Variants in ZNF577 observed in about 807,000 individuals in gnomAD.
The protein encoded by ZNF577 is zinc finger protein 577.
Under a neutral mutation model 13.9 loss-of-function variants are expected in ZNF577, and 14 were observed. The ratio of observed to expected loss-of-function variants is 1.00; its 90% CI spans 0.66 to 1.57. The LOEUF (loss-of-function observed/expected upper bound fraction) is 1.57, where lower values mean the gene tolerates loss of function less well. ZNF577 is among the 40% of genes most tolerant of loss of function. The pLI is 0.00. For missense variants in ZNF577, 555 were observed against 579.2 expected (o/e 0.96, Z 0.43); for synonymous variants, 203 against 202.9 (o/e 1.00, Z 0.00).
chr19:51,816,323 C>T (rs2084136781), intron 9 of ZNF577, among the ~76,000 whole-genome samples: 1 of 152,230 alleles, frequency 6.6e-6, no homozygotes, highest in African/African-American at 2.4e-5. Flanking sequence ...TCTCGGCTGA[C>T]TACAACCTCT....
chr19:51,884,327 T>C (rs1460304834), intron 1 of ZNF577, among the ~76,000 whole-genome samples: 2 of 152,128 alleles, frequency 1.3e-5, no homozygotes, highest in East Asian at 3.9e-4. Flanking sequence ...CATACTGGGA[T>C]ACGTACAAGT....
chr19:51,848,051 C>A (rs1335144594), intron 5 of ZNF577, among the ~76,000 whole-genome samples: 1 of 152,158 alleles, frequency 6.6e-6, no homozygotes, highest in Non-Finnish European at 1.5e-5. Context: ...GTACAGACTG[C>A]GAGACAGCCA....
In ZNF577 at chr19:51,873,249, G is replaced by C. The variant is rs146357018; in HGVS notation, c.741C>G (p.Cys247Trp). ...GGCACTTCCGGCTGAAGGCTTTTCC[G>C]CATTTGCTGCATCTGTAGGGTTTCT... ...TGEKPYRCSK[C>W]GKAFSRKCRL... The change falls in exon 6 of 6, where the codon TGC (cysteine) becomes TGG (tryptophan). Residue 247 changes from cysteine to tryptophan, a missense_variant. By Grantham distance (215) the Cys-to-Trp change is radical (BLOSUM62 -2). Coordinates refer to ENST00000638348, the MANE Select transcript of ZNF577 (RefSeq NM_001370449.1). 2 of 1,612,966 alleles carry C rather than the reference G, an allele frequency of 1.2e-6. No individual in the cohort carries two copies. Among genetic ancestry groups the C allele is most frequent in the South Asian group, 1.1e-5 (1 of 91,046 alleles).
chr19:51,824,291 A>C lies in ZNF577; in HGVS notation c.*600-12617T>G, dbSNP rs1469373087. On this transcript the variant is annotated intron_variant and NMD_transcript_variant, in intron 9 of 10. Coordinates refer to the ZNF577 transcript ENST00000638827. This position sits in a 1 kb window ranked among gnomAD's most constrained non-coding sequence, Gnocchi z 4.7. ...ACACATACTGTATTTTCAACTTTGC[A>C]TTCTGGGGTGACACTGCTGTAGAGA... 5 of 1,614,010 alleles carry C rather than the reference A, an allele frequency of 3.1e-6. No homozygotes were observed. Among genetic ancestry groups the C allele is most frequent in the Non-Finnish European group, 4.2e-6 (5 of 1,180,020 alleles).
chr19:51,813,500 A>T (rs980921394), intron 9 of ZNF577, among the ~76,000 whole-genome samples: 2 of 151,598 alleles, frequency 1.3e-5, no homozygotes, highest in Admixed American at 1.3e-4. Context: ...TCCTGAAGAG[A>T]CTCTGAAGGA....
chr19:51,861,113 CTTTTTT>C (rs368241227), intron 5 of ZNF577: 47 of 184,194 alleles, frequency 2.6e-4, no homozygotes, highest in South Asian at 4.3e-4. Context: ...TTGACTCTCT[CTTTTTT>C]TTTTTTTTTT....
downstream of ZNF577, among the ~76,000 whole-genome samples, chr19:51,866,978 AAGAG>A (rs201005534): frequency 0.048 from 7,239 of 149,936 alleles, 374 homozygotes; most frequent in South Asian, 0.25. Flanking sequence ...AGAAGAAAGA[AAGAG>A]AGAGAGAGAG....
intron 1 of ZNF577, among the ~76,000 whole-genome samples, chr19:51,882,937 T>G (rs529257327): frequency 5.9e-5 from 9 of 152,222 alleles, no homozygotes; most frequent in African/African-American, 2.2e-4. Flanking sequence ...GTCCTACCTT[T>G]GGATATGGCT....
intron 9 of ZNF577, among the ~76,000 whole-genome samples, chr19:51,828,887 G>A (rs74578418): frequency 0.15 from 22,960 of 152,108 alleles, 1,881 homozygotes; most frequent in East Asian, 0.26. Flanking sequence ...AGGCTCCCCT[G>A]CAGCTCCTGG....
chr19:51,837,302 A>G (rs989555758), intron 9 of ZNF577, among the ~76,000 whole-genome samples: 6 of 152,192 alleles, frequency 3.9e-5, no homozygotes, highest in African/African-American at 9.6e-5. Flanking sequence ...TGGTTAACAC[A>G]GCTCAGTCCT....
chr19:51,863,904 T>C (rs545948164), downstream of ZNF577, among the ~76,000 whole-genome samples: 22 of 152,304 alleles, frequency 1.4e-4, no homozygotes, highest in African/African-American at 4.6e-4. Flanking sequence ...ATATGTATGT[T>C]ATACCAAAAC....
intron 9 of ZNF577, among the ~76,000 whole-genome samples, chr19:51,836,995 G>C (rs1484652045): frequency 1.4e-5 from 2 of 147,582 alleles, no homozygotes; most frequent in Admixed American, 6.8e-5. Flanking sequence ...AGTGAGCCCA[G>C]AGGGCGCCAC....
Position 51,867,584 on chromosome 19 carries a change from C to A in ZNF577, c.*4948G>T, listed in dbSNP as rs2084584772. On this transcript the variant is annotated 3_prime_UTR_variant, in exon 6 of 6. Coordinates refer to ENST00000638348, the MANE Select transcript of ZNF577 (RefSeq NM_001370449.1). Reference sequence around the variant, plus strand: ...GGTCAGGAGTTCGAGACCAGACTGGCCAACATGATGAAACCCCGTCTCTAC... The same window carrying A: ...GGTCAGGAGTTCGAGACCAGACTGGACAACATGATGAAACCCCGTCTCTAC... 6.7e-6 allele frequency among the ~76,000 whole-genome samples: 1 copy of A among 149,794 alleles called. No homozygotes were observed. Among genetic ancestry groups the A allele is most frequent in the Admixed American group, 6.7e-5 (1 of 14,892 alleles).
chr19:51,809,411 TTTA>T (rs1234548588), intron 10 of ZNF577, among the ~76,000 whole-genome samples: 2 of 152,214 alleles, frequency 1.3e-5, no homozygotes, highest in African/African-American at 4.8e-5. Context: ...ATTTCTTTCC[TTTA>T]ATGTGTACTA....
rs997732349 is a variant in ZNF577 at position 51,868,214 on chromosome 19, T to G, written c.*4318A>C. 2.6e-4 allele frequency among the ~76,000 whole-genome samples: 39 copies of G among 152,190 alleles called. No homozygotes were observed. The highest frequency in any genetic ancestry group is 4.4e-4 in the Non-Finnish European group (30 of 68,028). On this transcript the variant is annotated 3_prime_UTR_variant, in exon 6 of 6. Coordinates refer to ENST00000638348, the MANE Select transcript of ZNF577 (RefSeq NM_001370449.1). The stretch of plus-strand genomic sequence containing the variant: ...TGACTTAGTCCTCAAAGCACTGCAT[T>G]GTAGACACTGTTCTAGAAGCTTTCT...
intron 5 of ZNF577, among the ~76,000 whole-genome samples, chr19:51,849,446 C>T (rs537636554): frequency 6.6e-6 from 1 of 152,292 alleles, no homozygotes; most frequent in South Asian, 2.1e-4. Context: ...TACTTTCATA[C>T]CACTTGTAAA....
intron 5 of ZNF577, among the ~76,000 whole-genome samples, chr19:51,856,526 A>G (rs2084422577): frequency 6.6e-6 from 1 of 152,308 alleles, no homozygotes; most frequent in South Asian, 2.1e-4. Context: ...TAAAGAGTAA[A>G]GCCTCTACAT....
intron 6 of ZNF577, among the ~76,000 whole-genome samples, chr19:51,844,503 G>A (rs2084339641): frequency 6.6e-6 from 1 of 152,146 alleles, no homozygotes; most frequent in South Asian, 2.1e-4. Context: ...TGTCAGTACT[G>A]CCACAAAAAT....
chr19:51,887,395 T>G lies in ZNF577; in HGVS notation c.-793A>C, dbSNP rs2084964832. ...TCCCAACATTAAACATGAAATACAC[T>G]AAACCAGAGTTATTTTCTGGAGGAG... On this transcript the variant is annotated 5_prime_UTR_variant, in exon 1 of 6. Coordinates refer to ENST00000638348, the MANE Select transcript of ZNF577 (RefSeq NM_001370449.1). 6.6e-6 allele frequency: 1 copy of G among 152,176 alleles called. No homozygotes were observed. Among genetic ancestry groups the G allele is most frequent in the Admixed American group, 6.5e-5 (1 of 15,276 alleles). 9.4% of individuals were successfully genotyped at this position (152,176 alleles called of 1,614,324 possible). A position where few individuals can be genotyped will look rare whatever the true frequency, so the allele number is the denominator to read the frequency against.
Sources: gnomAD v4.1 joint callset for allele counts (sites outside exome capture counted in the v4.1 genomes callset) on GRCh38, gnomAD v4.1.1 for gene constraint, Gnocchi (gnomAD v3.1) non-coding constraint, MANE v1.5 for transcripts, NCBI Gene and HGNC (gene_info 2026-07-23, HGNC 2026-07-21) for gene names.